Variants in FAM149A observed in about 807,000 individuals in gnomAD.
The protein encoded by FAM149A is family with sequence similarity 149 member A.
In FAM149A, 71 loss-of-function variants were observed where a neutral mutation model predicts 78.2. That is an observed-to-expected ratio of 0.91 (90% CI 0.75 to 1.11). The LOEUF (loss-of-function observed/expected upper bound fraction) is 1.11. Among genes scored for constraint, FAM149A ranks in the 50% least tolerant of loss-of-function variants. The probability of loss-of-function intolerance (pLI) is 0.00; values close to 1 mark genes in which losing one functional copy is unlikely to be tolerated. For missense variants in FAM149A, 1,036 were observed against 971.0 expected, an observed-to-expected ratio of 1.07 and a Z score of -0.89; for synonymous variants, 446 against 410.5, an observed-to-expected ratio of 1.09 and a Z score of -1.04.
Position 186,127,360 on chromosome 4 carries a change from T to G in FAM149A, c.566+21718T>G, listed in dbSNP as rs886648192. 32 of 985,340 alleles carry G rather than the reference T, an allele frequency of 3.2e-5. No individual in the cohort carries two copies. The South Asian group carries it at 1.4e-3, about 43-fold the overall frequency. 61.0% of individuals were successfully genotyped at this position (985,340 alleles called of 1,614,324 possible). A position where few individuals can be genotyped will look rare whatever the true frequency, so the allele number is the denominator to read the frequency against. On this transcript the variant is annotated intron_variant, in intron 1 of 13. Transcript: ENST00000389354. Reference sequence around the variant, plus strand: ...ACAGTAAACATCCTTCCAGTCTACCTGGATTCCACAGGTAGATTGAAACAA... The same window carrying G: ...ACAGTAAACATCCTTCCAGTCTACCGGGATTCCACAGGTAGATTGAAACAA...
At position 186,172,134 on chromosome 4, in the gene FAM149A, A is replaced by T; in HGVS notation, c.*147A>T. ...AGAAAAGCAAACAAATAAATCACTT[A>T]ATCTTGAACACTTTGCACTGTAAAG... On this transcript the variant is annotated 3_prime_UTR_variant, in exon 14 of 14. Transcript: ENST00000389354. 8.2e-7 allele frequency: 1 copy of T among 1,225,566 alleles called. No homozygotes were observed. 75.9% of individuals were successfully genotyped at this position (1,225,566 alleles called of 1,614,324 possible).
At chr4:186,151,639 T>C in intron 3 of FAM149A, 1 of 738,770 alleles carries the variant, frequency 1.4e-6, no homozygotes, top group Non-Finnish European at 1.7e-6. Flanking sequence ...CCTCTATCTA[T>C]GCAAATTCTT....
At position 186,157,726 on chromosome 4, in the gene FAM149A, G is replaced by A. The variant is rs1734163721; in HGVS notation, c.1575+7G>A. The A allele has an allele frequency of 2.5e-6, 4 of 1,601,938 alleles. No homozygotes were observed. The highest frequency in any genetic ancestry group is 3.4e-6 in the Non-Finnish European group (4 of 1,173,488). On this transcript the variant is annotated splice_region_variant and intron_variant, in intron 8 of 13. Transcript: ENST00000389354. ...TCGTCTGAACCCGCCCCAGGTCGGTGCTTTCACACCCTTCTCCCTCTTGCC... is the reference window on the plus strand; with the variant it reads ...TCGTCTGAACCCGCCCCAGGTCGGTACTTTCACACCCTTCTCCCTCTTGCC...
chr4:186,151,956 G>A lies in FAM149A; in HGVS notation c.843G>A (p.Glu281=). The change falls in exon 4 of 14, where the codon GAG becomes GAA. Residue 281 remains glutamate, a synonymous_variant. Transcript: ENST00000389354. ...TGCAGCGGTTACTCTGGGAGGTGGAGGAAATGTTATTTGAAGGGAAAGTGA... is the reference window on the plus strand; with the variant it reads ...TGCAGCGGTTACTCTGGGAGGTGGAAGAAATGTTATTTGAAGGGAAAGTGA... 1 of 1,614,198 alleles carries A rather than the reference G, an allele frequency of 6.2e-7. No individual in the cohort carries two copies. The highest frequency in any genetic ancestry group is 8.5e-7 in the Non-Finnish European group (1 of 1,180,034).
intron 1 of FAM149A, among the ~76,000 whole-genome samples, chr4:186,136,991 TC>T (rs1320400782): frequency 3.7e-5 from 5 of 134,846 alleles, no homozygotes; most frequent in African/African-American, 5.5e-5. Context: ...TCTCTCTCTC[TC>T]TCTCTCTCTC....
intron 1 of FAM149A, among the ~76,000 whole-genome samples, chr4:186,136,976 T>TTCTCTCTCTCTCTCTCTCTC (rs70964917): frequency 8.3e-5 from 6 of 72,110 alleles, no homozygotes; most frequent in African/African-American, 3.1e-4. Flanking sequence ...CTCTCTCTCT[T>TTCTCTCTCTCTCTCTCTCTC]TCTCTCTCTC....
At chr4:186,168,516 T>TG (rs1432663317) in intron 13 of FAM149A, among the ~76,000 whole-genome samples, 3 of 152,142 alleles carry the variant, frequency 2.0e-5, no homozygotes, top group African/African-American at 7.2e-5. Context: ...CCACGATGCC[T>TG]GGCTAATGTT....
In FAM149A at chr4:186,105,280, G is replaced by C. The variant is rs2150072533; in HGVS notation, c.204G>C (p.Arg68=). Residue 68 remains arginine, a synonymous_variant, in exon 1 of 14, where the codon CGG becomes CGC. Transcript: ENST00000389354. Reference sequence around the variant, plus strand: ...CGGACTCCCCCTCCGCCTCGCGGCGGTCGCCCGCCCCGCTGCTCTCCTCCC... The same window carrying C: ...CGGACTCCCCCTCCGCCTCGCGGCGCTCGCCCGCCCCGCTGCTCTCCTCCC... The C allele has an allele frequency of 8.4e-7, 1 of 1,191,838 alleles. No homozygotes were observed. The highest frequency in any genetic ancestry group is 1.1e-6 in the Non-Finnish European group (1 of 949,256). The allele number at this position is 1,191,838 out of a possible 1,614,324, so 73.8% of individuals were successfully genotyped here.
rs1002855490 is a variant in FAM149A, at chr4:186,125,722, G to A, written c.566+20080G>A. ...TTGGGGAATTAACACTACTATTATT[G>A]TGAATAGCTGAAGCTGAAGGATACT... On this transcript the variant is annotated intron_variant, in intron 1 of 13. Coordinates refer to ENST00000389354, the MANE Select transcript of FAM149A (RefSeq NM_001367768.3). 4.1e-6 allele frequency: 4 copies of A among 984,644 alleles called. No individual in the cohort carries two copies. The African/African-American group carries it at 7.0e-5, about 17-fold the overall frequency. 61.0% of individuals were successfully genotyped at this position (984,644 alleles called of 1,614,324 possible).
At chr4:186,153,295 G>A (rs1487861293) in intron 4 of FAM149A, 21 of 943,814 alleles carry the variant, frequency 2.2e-5, no homozygotes, top group Non-Finnish European at 2.5e-5. Flanking sequence ...TAGTTAATAT[G>A]TATGGAGGGC....
chr4:186,144,592 T>G lies in FAM149A; in HGVS notation c.567-4581T>G, dbSNP rs1426148992. 1 of 154,126 alleles carries G rather than the reference T, an allele frequency of 6.5e-6. No individual in the cohort carries two copies. The highest frequency in any genetic ancestry group is 2.0e-4 in the East Asian group (1 of 5,128). The allele number at this position is 154,126 out of a possible 1,614,324, so 9.5% of individuals were successfully genotyped here. On this transcript the variant is annotated intron_variant, in intron 1 of 13. Coordinates refer to ENST00000389354, the MANE Select transcript of FAM149A (RefSeq NM_001367768.3). The surrounding 1 kb of genome is among the most constrained non-coding windows in gnomAD (Gnocchi z 4.2). ...AAGAGAGAAGGGCAGCCAGCACCAG[T>G]ATGCACAGCCCCCGGCCCCAGAGAC...
chr4:186,167,872 G>C (rs1042726880), intron 13 of FAM149A, among the ~76,000 whole-genome samples: 4 of 152,048 alleles, frequency 2.6e-5, no homozygotes, highest in Non-Finnish European at 5.9e-5. Flanking sequence ...TGCAACCCTA[G>C]GAATGTCCCA....
chr4:186,129,469 T>C (rs1018927568), intron 1 of FAM149A, among the ~76,000 whole-genome samples: 5 of 152,138 alleles, frequency 3.3e-5, no homozygotes, highest in Non-Finnish European at 1.5e-5. Flanking sequence ...CCGTACAATA[T>C]CTCACTTCAA....
In FAM149A at chr4:186,149,194, T is replaced by G. The variant is rs750872236; in HGVS notation, c.588T>G (p.Arg196=). 7.8e-7 allele frequency: 1 copy of G among 1,288,898 alleles called. No homozygotes were observed. Among genetic ancestry groups the G allele is most frequent in the Middle Eastern group, 2.1e-4 (1 of 4,690 alleles). The allele number at this position is 1,288,898 out of a possible 1,614,324, so 79.8% of individuals were successfully genotyped here. ...CCAGAAGAGGACTGTCAGAAGGACG[T>G]AGAAGGCACGGTTTTACTGTGAGGA... Residue 196 remains arginine (R), a synonymous_variant, in exon 2 of 14, where the codon CGT becomes CGG. Transcript: ENST00000389354.
intron 13 of FAM149A, chr4:186,169,458 G>A (rs1338278909): frequency 5.1e-6 from 5 of 983,300 alleles, no homozygotes; most frequent in Non-Finnish European, 6.0e-6. Context: ...GCTTGGGAGC[G>A]GGAGGCCTAA....
rs1733877265 is a variant in FAM149A, at chr4:186,154,544, G to A, written c.1135G>A (p.Val379Ile). 3 of 1,613,952 alleles carry A rather than the reference G, an allele frequency of 1.9e-6. No individual in the cohort carries two copies. Among genetic ancestry groups the A allele is most frequent in the Non-Finnish European group, 2.5e-6 (3 of 1,179,966 alleles). ...CCTGCCAGGCCCTGATGACACAGGG[G>A]TTGCTGACCTAACGGCACGTTCATC... The change falls in exon 6 of 14, where the codon GTT (valine) becomes ATT (isoleucine). Residue 379 changes from valine to isoleucine, a missense_variant. Val to Ile is a conservative substitution (Grantham distance 29). Transcript: ENST00000389354.
At chr4:186,160,051 T>TA (rs932083520) in intron 8 of FAM149A, among the ~76,000 whole-genome samples, 11 of 63,402 alleles carry the variant, frequency 1.7e-4, no homozygotes, top group African/African-American at 6.2e-4. Flanking sequence ...ACACACCACA[T>TA]ACCATACACC....
intron 11 of FAM149A, among the ~76,000 whole-genome samples, chr4:186,166,253 G>A (rs1323103234): frequency 2.0e-5 from 3 of 152,164 alleles, no homozygotes; most frequent in Non-Finnish European, 4.4e-5. Context: ...CTGGGGCCAG[G>A]TTCCCTCCTG....
rs1012373311 is a variant in FAM149A at position 186,124,232 on chromosome 4, T to C, written c.566+18590T>C. ...GAGGGTGGGTTGGCTTTCGGTTTCT[T>C]GCCATTTTTGTTTTTTGGGTTAATT... On this transcript the variant is annotated intron_variant, in intron 1 of 13. Coordinates refer to ENST00000389354, the MANE Select transcript of FAM149A (RefSeq NM_001367768.3). The C allele has an allele frequency of 1.0e-5, 10 of 984,750 alleles. No individual in the cohort carries two copies. In the African/African-American group the frequency reaches 1.4e-4, roughly 14 times the overall value. 61.0% of individuals were successfully genotyped at this position (984,750 alleles called of 1,614,324 possible).
Sources: allele counts gnomAD v4.1 joint callset (sites outside exome capture counted in the v4.1 genomes callset), GRCh38; gene constraint gnomAD v4.1.1; non-coding constraint Gnocchi (gnomAD v3.1); transcripts MANE v1.5; gene names NCBI Gene and HGNC (gene_info 2026-07-23, HGNC 2026-07-21).